AKTIP: variants seen among roughly 807,000 people sequenced by gnomAD.
AKTIP encodes the protein AKT-interacting protein.
In AKTIP, 16 loss-of-function variants were observed where a neutral mutation model predicts 39.1. The ratio of observed to expected loss-of-function variants is 0.41; its 90% CI spans 0.28 to 0.62. AKTIP has a LOEUF of 0.62. Among genes scored for constraint, AKTIP ranks in the 20% least tolerant of loss-of-function variants. The pLI, the probability that AKTIP is intolerant of heterozygous loss-of-function variation, is 0.32. For synonymous variants in AKTIP, 93 were observed against 124.3 expected, an observed-to-expected ratio of 0.75 and a Z score of 1.67; for missense variants, 262 against 356.6, an observed-to-expected ratio of 0.73 and a Z score of 2.14.
At chr16:53,496,443 G>GC (rs1300183301) in intron 3 of AKTIP, among the ~76,000 whole-genome samples, 3 of 150,264 alleles carry the variant, frequency 2.0e-5, no homozygotes, top group Admixed American at 1.3e-4. Flanking sequence ...TTACACTGGG[G>GC]CCTCAGACCC....
chr16:53,501,469 C>G (rs535162617), intron 1 of AKTIP: 1 of 152,380 alleles, frequency 6.6e-6, no homozygotes, highest in East Asian at 1.9e-4. Context: ...CCAAGCCCAG[C>G]TGTAAGAACA....
chr16:53,493,859 T>C (rs1047295768), intron 8 of AKTIP: 31 of 401,926 alleles, frequency 7.7e-5, no homozygotes, highest in Non-Finnish European at 1.3e-4. Context: ...AAAAGAAGAG[T>C]CCTGACATGG....
At chr16:53,494,742 A>C in intron 5 of AKTIP, 137 bp from the exon 6 acceptor site, 1 of 850,732 alleles carries the variant, frequency 1.2e-6, no homozygotes, top group Non-Finnish European at 1.9e-6. Flanking sequence ...CAAGAGGGCT[A>C]CTTAACTACT....
At chr16:53,500,415 T>C (rs890847985) in intron 1 of AKTIP, 86 bp from the exon 2 acceptor site, 36 of 817,796 alleles carry the variant, frequency 4.4e-5, no homozygotes, top group Non-Finnish European at 5.9e-5. Flanking sequence ...TCTCACTCTG[T>C]TGCCCAGGCT....
At chr16:53,494,862 G>A in intron 5 of AKTIP, 1 of 728,112 alleles carries the variant, frequency 1.4e-6, no homozygotes, top group South Asian at 1.5e-5. Flanking sequence ...CAGGATGGCA[G>A]GCAGCCAGCC....
chr16:53,493,137 T>G (rs1961596876), intron 8 of AKTIP: 1 of 178,886 alleles, frequency 5.6e-6, no homozygotes, highest in South Asian at 1.1e-4. Flanking sequence ...TGGTGTGATC[T>G]CGGCTCACTG....
intron 2 of AKTIP, among the ~76,000 whole-genome samples, chr16:53,499,745 G>A (rs1030607100): frequency 3.3e-5 from 5 of 152,052 alleles, no homozygotes; most frequent in African/African-American, 1.2e-4. Flanking sequence ...ACAAGCATGA[G>A]CCACCGTGCC....
rs145005127 is a variant in AKTIP at position 53,499,912 on chromosome 16, G to A, written c.42+306C>T. ...AGCCTTTCCCACAGCTGTTCTAACC[G>A]TAGAACCTTGAAGTTTAGTAGAAAA... On this transcript the variant is annotated intron_variant, in intron 2 of 9. Transcript: ENST00000394657. Among the ~76,000 whole-genome samples the A allele has an allele frequency of 5.4e-3, 824 of 152,094 alleles. 4 individuals carry two copies. The highest frequency in any genetic ancestry group is 0.019 in the African/African-American group (797 of 41,476).
chr16:53,495,421 TCAATGG>T (rs888968892), intron 3 of AKTIP, 95 bp from the exon 4 acceptor site: 34 of 1,184,156 alleles, frequency 2.9e-5, no homozygotes, highest in Non-Finnish European at 4.2e-5. Flanking sequence ...GAACGGCCCC[TCAATGG>T]GCAGCTGATG....
chr16:53,492,806 A>T (rs549374435), intron 8 of AKTIP, 53 bp from the exon 9 acceptor site: 1 of 1,539,364 alleles, frequency 6.5e-7, no homozygotes, highest in African/African-American at 1.4e-5. Context: ...CTAAATTTCT[A>T]TAACATTCAT....
chr16:53,498,715 A>G (rs770267942), intron 2 of AKTIP, 119 bp from the exon 3 acceptor site: 5 of 970,396 alleles, frequency 5.2e-6, no homozygotes, highest in Middle Eastern at 2.2e-4. Flanking sequence ...TTCTAACACC[A>G]TGACCAAGAT....
rs139608589 is a variant in AKTIP, at chr16:53,498,411, T to C, written c.228A>G (p.Glu76=). The C allele has an allele frequency of 5.0e-6, 8 of 1,613,824 alleles. No individual in the cohort carries two copies. Among genetic ancestry groups the C allele is most frequent in the African/African-American group, 4.0e-5 (3 of 74,934 alleles). The part of the protein sequence containing the change: ...THASYGPFYL[E]YSLLAEFTLV... The stretch of plus-strand genomic sequence containing the variant: ...CTTACAATTCTGCAAGAAGAGAGTA[T>C]TCCAGGTAGAAGGGTCCATAGGACG... Residue 76 remains glutamate, a synonymous_variant, in exon 3 of 10, where the codon GAA becomes GAG. Transcript: ENST00000394657.
chr16:53,499,707 G>T lies in AKTIP; in HGVS notation c.42+511C>A, dbSNP rs141581748. Among the ~76,000 whole-genome samples, 1,301 of 152,030 alleles carry T rather than the reference G, an allele frequency of 8.6e-3. 24 individuals carry two copies. Among genetic ancestry groups the T allele is most frequent in the African/African-American group, 0.029 (1,210 of 41,478 alleles). On this transcript the variant is annotated intron_variant, in intron 2 of 9. Transcript: ENST00000394657. ...GATCTCCTGACCTCGTGATCTGCCC[G>T]CCTCGGCCTCTCAAAGTGCTGGGGA...
chr16:53,491,610 G>GAAGAT lies in AKTIP; in HGVS notation c.*797_*801dup, dbSNP rs1961465369. 6.6e-6 allele frequency: 1 copy of GAAGAT among 152,600 alleles called. No homozygotes were observed. Among genetic ancestry groups the GAAGAT allele is most frequent in the Non-Finnish European group, 1.5e-5 (1 of 68,018 alleles). 9.5% of individuals were successfully genotyped at this position (152,600 alleles called of 1,614,324 possible). On this transcript the variant is annotated 3_prime_UTR_variant, in exon 10 of 10. Transcript: ENST00000394657. Reference sequence around the variant, plus strand: ...AGATACTGCTACTGTAATTTTATATGAAGATAAGTGTATTTTTCAATAAAG... The same window carrying GAAGAT: ...AGATACTGCTACTGTAATTTTATATGAAGATAAGATAAGTGTATTTTTCAATAAAG...
chr16:53,503,849 G>A (rs1266153428), upstream of AKTIP, among the ~76,000 whole-genome samples: 1 of 152,174 alleles, frequency 6.6e-6, no homozygotes, highest in African/African-American at 2.4e-5. Context: ...ATCAGTGCAG[G>A]AGCTGAAGGC....
At chr16:53,495,377 A>G in intron 3 of AKTIP, 51 bp from the exon 4 acceptor site, 2 of 1,551,278 alleles carry the variant, frequency 1.3e-6, no homozygotes, top group East Asian at 2.3e-5. Context: ...TGACACATGC[A>G]GATCAAACCA....
rs1054866963 is a variant in AKTIP, at chr16:53,492,953, C to T, written c.711-200G>A. ...CATACATGAATGATCTCATTTAAGCCTCACACCACCCCTTGAAGTACTGTT... is the reference window on the plus strand; with the variant it reads ...CATACATGAATGATCTCATTTAAGCTTCACACCACCCCTTGAAGTACTGTT... On this transcript the variant is annotated intron_variant, in intron 8 of 9. Transcript: ENST00000394657. The T allele has an allele frequency of 2.7e-5, 15 of 560,082 alleles. No individual in the cohort carries two copies. In the Admixed American group the frequency reaches 4.6e-4, roughly 17 times the overall value. 34.7% of individuals were successfully genotyped at this position (560,082 alleles called of 1,614,324 possible).
intron 3 of AKTIP, among the ~76,000 whole-genome samples, chr16:53,496,705 A>G (rs1961861138): frequency 6.6e-6 from 1 of 151,910 alleles, no homozygotes; most frequent in Non-Finnish European, 1.5e-5. Context: ...GTGGTGGCGC[A>G]CACCTGTAGT....
In AKTIP at chr16:53,492,436, T is replaced by A; in HGVS notation, c.855A>T (p.Lys285Asn). 6.2e-7 allele frequency: 1 copy of A among 1,612,724 alleles called. No homozygotes were observed. Residue 285 changes from lysine (K) to asparagine (N), a missense_variant, in exon 10 of 10, where the codon AAA (lysine) becomes AAT (asparagine). Coordinates refer to ENST00000394657, the MANE Select transcript of AKTIP (RefSeq NM_022476.4). ...CTTAAGTCGCCACTGTTTTCTCTTC[T>A]TTACTGAAAGGCTGTACTGAGCCAG... ...VKPGSVQPFS[K>N]EEKTVAT
Sources: gnomAD v4.1 joint callset for allele counts (sites outside exome capture counted in the v4.1 genomes callset) on GRCh38, gnomAD v4.1.1 for gene constraint, MANE v1.5 for transcripts, NCBI Gene and HGNC (gene_info 2026-07-23, HGNC 2026-07-21) for gene names.